The following BFSP1 variants were observed in gnomAD, a reference collection of about 807,000 sequenced individuals.
The protein encoded by BFSP1 is beaded filament structural protein 1.
A neutral mutation model predicts 43.9 loss-of-function variants in BFSP1; 38 were observed. The observed-to-expected ratio is 0.87, with a 90% CI of 0.67 to 1.14. BFSP1 has a LOEUF of 1.14. Ranked by LOEUF, BFSP1 falls within the 50% of genes most tolerant of loss-of-function variation. BFSP1 has a pLI of 0.00. For synonymous variants in BFSP1, 352 were observed against 354.8 expected, an observed-to-expected ratio of 0.99 and a Z score of 0.09; for missense variants, 850 against 875.1, an observed-to-expected ratio of 0.97 and a Z score of 0.36.
At chr20:17,524,164 C>T (rs1159057342) in intron 2 of BFSP1, among the ~76,000 whole-genome samples, 2 of 152,202 alleles carry the variant, frequency 1.3e-5, no homozygotes, top group African/African-American at 4.8e-5. Flanking sequence ...TATGTGCCAT[C>T]CCTGGTTCTG....
At position 17,494,478 on chromosome 20, in the gene BFSP1, C is replaced by G. The variant is rs1238071333; in HGVS notation, c.1594G>C (p.Glu532Gln). ...TGCTGGTCAATTGGTTGTCCATCTT[C>G]TTTCTCCTGCAGACCCACCTGCCCA... ...ENGQVGLQEK[E>Q]DGQPIDQQPI... is the part of the protein sequence containing the mutation. Residue 532 changes from glutamate to glutamine, a missense_variant, in exon 8 of 8, where the codon GAA becomes CAA. Glu to Gln is a conservative substitution (Grantham distance 29). Transcript: ENST00000377873. 1 of 1,614,246 alleles carries G rather than the reference C, an allele frequency of 6.2e-7. No individual in the cohort carries two copies. Among genetic ancestry groups the G allele is most frequent in the Non-Finnish European group, 8.5e-7 (1 of 1,180,038 alleles).
upstream of BFSP1, chr20:17,531,393 C>A: frequency 7.8e-7 from 1 of 1,279,498 alleles, no homozygotes. Flanking sequence ...CCCGGCGCAG[C>A]CCGCAGCCCG....
chr20:17,502,963 G>A (rs2123466797), intron 5 of BFSP1, among the ~76,000 whole-genome samples: 1 of 152,286 alleles, frequency 6.6e-6, no homozygotes, highest in South Asian at 2.1e-4. Flanking sequence ...GGGCTGTAGA[G>A]AACATAGAGG....
chr20:17,545,599 T>C (rs916019930), intron 1 of BFSP1, among the ~76,000 whole-genome samples: 7 of 151,902 alleles, frequency 4.6e-5, no homozygotes, highest in Non-Finnish European at 7.4e-5. Context: ...TTAAAACTAG[T>C]GAGGCACACT....
intron 7 of BFSP1, 107 bp downstream of exon 7, chr20:17,496,831 A>AT: frequency 9.4e-7 from 1 of 1,058,780 alleles, no homozygotes; most frequent in South Asian, 1.7e-5. Context: ...AAAGCATTTA[A>AT]TTTCCAGATG....
In BFSP1 at chr20:17,494,376, C is replaced by T; in HGVS notation, c.1696G>A (p.Asp566Asn). 6.2e-7 allele frequency: 1 copy of T among 1,614,224 alleles called. No individual in the cohort carries two copies. The highest frequency in any genetic ancestry group is 8.5e-7 in the Non-Finnish European group (1 of 1,180,040). Residue 566 changes from aspartate (D) to asparagine (N), a missense_variant, in exon 8 of 8, where the codon GAC (aspartate) becomes AAC (asparagine). Physicochemically the swap from Asp to Asn is conservative, Grantham distance 23 (BLOSUM62 1). Coordinates refer to ENST00000377873, the MANE Select transcript of BFSP1 (RefSeq NM_001195.5). ...PEEKREGEER[D>N]EESRRPCAMV... ...GCACAGGGTCTCCTGGACTCTTCGT[C>T]CCGCTCCTCACCCTCACGTTTCTCT...
intron 1 of BFSP1, 60 bp downstream of exon 1, chr20:17,530,893 C>G: frequency 7.6e-7 from 1 of 1,323,634 alleles, no homozygotes; most frequent in Non-Finnish European, 9.6e-7. Flanking sequence ...GTGCTCCCAG[C>G]CCCGCGCCGC....
chr20:17,505,791 G>A (rs1341314870), intron 5 of BFSP1, among the ~76,000 whole-genome samples: 2 of 152,148 alleles, frequency 1.3e-5, no homozygotes, highest in Admixed American at 1.3e-4. Flanking sequence ...GGGACACCTA[G>A]ACATGCAGCA....
upstream of BFSP1, among the ~76,000 whole-genome samples, chr20:17,532,266 G>A (rs1159723685): frequency 6.6e-6 from 1 of 152,068 alleles, no homozygotes; most frequent in Non-Finnish European, 1.5e-5. Flanking sequence ...TTAGCCAGGC[G>A]TGGTGGCGTG....
At chr20:17,536,537 A>G (rs2034631461) in intron 1 of BFSP1, among the ~76,000 whole-genome samples, 1 of 152,272 alleles carries the variant, frequency 6.6e-6, no homozygotes, top group Non-Finnish European at 1.5e-5. Context: ...GTCTCAAAAA[A>G]TAAATAAAAT....
At chr20:17,516,317 A>C (rs551396071) in intron 2 of BFSP1, among the ~76,000 whole-genome samples, 2 of 152,248 alleles carry the variant, frequency 1.3e-5, no homozygotes, top group East Asian at 3.9e-4. Context: ...AAAAGAGCAA[A>C]ACTCCATCTC....
Position 17,530,946 on chromosome 20 carries a change from C to T in BFSP1, c.377+7G>A, listed in dbSNP as rs1330388751. ...TGCCTCGGTTTCCCCCGATGGCCGC[C>T]GCTTACTTGCTTCGGAACTCGTCGA... is the stretch of plus-strand genomic sequence containing the variant. On this transcript the variant is annotated splice_region_variant and intron_variant, in intron 1 of 7. Transcript: ENST00000377873. 5 of 1,418,854 alleles carry T rather than the reference C, an allele frequency of 3.5e-6. No homozygotes were observed. Among genetic ancestry groups the T allele is most frequent in the Non-Finnish European group, 4.6e-6 (5 of 1,090,158 alleles). The allele number at this position is 1,418,854 out of a possible 1,614,324, so 87.9% of individuals were successfully genotyped here.
Position 17,553,776 on chromosome 20 carries a change from C to CATATAT in BFSP1, c.2+4906_2+4911dup, listed in dbSNP as rs1204969085. ...AAAAGACCTGTTAAAAATATATAAA[C>CATATAT]ATATATATATATATATATACACACA... On this transcript the variant is annotated intron_variant, in intron 1 of 7. Coordinates refer to the BFSP1 transcript ENST00000377868. 2.9e-3 allele frequency among the ~76,000 whole-genome samples: 312 copies of CATATAT among 106,008 alleles called. 2 individuals are homozygous for CATATAT. Among genetic ancestry groups the CATATAT allele is most frequent in the African/African-American group, 0.013 (273 of 21,204 alleles). 69.5% of individuals were successfully genotyped at this position (106,008 alleles called of 152,430 possible).
upstream of BFSP1, among the ~76,000 whole-genome samples, chr20:17,535,487 T>C (rs571114026): frequency 6.6e-6 from 1 of 152,198 alleles, no homozygotes; most frequent in South Asian, 2.1e-4. Context: ...GTCGAGATAA[T>C]GCCAATGCAC....
At chr20:17,506,010 G>A (rs556988327) in intron 5 of BFSP1, among the ~76,000 whole-genome samples, 1 of 152,364 alleles carries the variant, frequency 6.6e-6, no homozygotes, top group South Asian at 2.1e-4. Context: ...AAGGAAAGGA[G>A]TTTATTCAAG....
At chr20:17,500,851 T>G (rs1467013814) in intron 5 of BFSP1, among the ~76,000 whole-genome samples, 1 of 152,210 alleles carries the variant, frequency 6.6e-6, no homozygotes, top group Non-Finnish European at 1.5e-5. Flanking sequence ...TTTTCCAATC[T>G]CATTCTTGAG....
chr20:17,496,135 G>A (rs73599749), intron 7 of BFSP1, among the ~76,000 whole-genome samples: 5 of 152,222 alleles, frequency 3.3e-5, no homozygotes, highest in Admixed American at 6.5e-5. Flanking sequence ...GCCAAGCTGG[G>A]ACCGTTCTGA....
At chr20:17,510,332 C>A (rs1436315640) in intron 4 of BFSP1, among the ~76,000 whole-genome samples, 2 of 152,176 alleles carry the variant, frequency 1.3e-5, no homozygotes, top group African/African-American at 4.8e-5. Flanking sequence ...TGATACAATT[C>A]AAAAGGTATG....
chr20:17,568,755 A>T (rs2035153117), intron 1 of BFSP1, among the ~76,000 whole-genome samples: 2 of 152,096 alleles, frequency 1.3e-5, no homozygotes, highest in African/African-American at 4.8e-5. Context: ...TCCTATGTTG[A>T]GTGGGGCAGA....
Sources: gnomAD v4.1 joint callset for allele counts (sites outside exome capture counted in the v4.1 genomes callset) on GRCh38, gnomAD v4.1.1 for gene constraint, MANE v1.5 for transcripts, NCBI Gene and HGNC (gene_info 2026-07-23, HGNC 2026-07-21) for gene names.